Variants in DDX6 observed in about 807,000 individuals in gnomAD.
DDX6 encodes the protein probable ATP-dependent RNA helicase DDX6.
In DDX6, 7 loss-of-function variants were observed where a neutral mutation model predicts 60.6. That is an observed-to-expected ratio of 0.12 (90% CI 0.07 to 0.22). The LOEUF (loss-of-function observed/expected upper bound fraction) is 0.22, where lower values mean the gene tolerates loss of function less well. DDX6 is among the 10% of genes least tolerant of loss of function. DDX6 has a pLI of 1.00. For missense variants in DDX6, 270 were observed against 589.9 expected, an observed-to-expected ratio of 0.46 and a Z score of 5.62; for synonymous variants, 207 against 201.0, an observed-to-expected ratio of 1.03 and a Z score of -0.25.
At position 118,754,757 on chromosome 11, in the gene DDX6, A is replaced by G. The variant is rs1565559540; in HGVS notation, c.1407T>C (p.Tyr469=). Residue 469 remains tyrosine (Y), a synonymous_variant, in exon 13 of 14, where the codon TAT becomes TAC. Coordinates refer to ENST00000534980, the MANE Select transcript of DDX6 (RefSeq NM_004397.6). ...PIPSNIDKSL[Y]VAEYHSEPVE... is the part of the protein sequence containing the mutation. ...CAGGCTCGCTGTGGTATTCTGCCAC[A>G]TACAGGCTCTTATCAATGTTGCTCG... 1 of 1,613,626 alleles carries G rather than the reference A, an allele frequency of 6.2e-7. No individual in the cohort carries two copies. Among genetic ancestry groups the G allele is most frequent in the Non-Finnish European group, 8.5e-7 (1 of 1,179,842 alleles).
chr11:118,783,259 G>A (rs1214612973), intron 2 of DDX6, among the ~76,000 whole-genome samples: 1 of 152,140 alleles, frequency 6.6e-6, no homozygotes, highest in Admixed American at 6.5e-5. Flanking sequence ...AAAATCCACT[G>A]TTGTCCCCAA....
At chr11:118,787,470 A>G (rs1021179221) in intron 1 of DDX6, 2 of 118,828 alleles carry the variant, frequency 1.7e-5, no homozygotes, top group Non-Finnish European at 3.4e-5. Flanking sequence ...CTCCGTCTCA[A>G]AAACAAAAAC....
At chr11:118,772,633 C>A (rs1555162831) in intron 4 of DDX6, among the ~76,000 whole-genome samples, 2 of 152,064 alleles carry the variant, frequency 1.3e-5, no homozygotes, top group Non-Finnish European at 2.9e-5. Flanking sequence ...TGTGTGATGT[C>A]ATTTATATCT....
In DDX6 at chr11:118,772,364, G is replaced by A. The variant is rs75345555; in HGVS notation, c.370-4012C>T. 1.6e-3 allele frequency among the ~76,000 whole-genome samples: 239 copies of A among 152,120 alleles called. 7 individuals are homozygous for A. In the East Asian group the frequency reaches 0.04, roughly 26 times the overall value. On this transcript the variant is annotated intron_variant, in intron 4 of 13. Transcript: ENST00000534980. ...TACAAGCTACAACACAGATGAACTC[G>A]GAAAACATTACGCTAAGTCAAAGAA... is the stretch of plus-strand genomic sequence containing the variant.
Position 118,774,450 on chromosome 11 carries a change from A to C in DDX6, c.369+5182T>G, listed in dbSNP as rs560079346. Among the ~76,000 whole-genome samples, 3 of 149,002 alleles carry C rather than the reference A, an allele frequency of 2.0e-5. No individual in the cohort carries two copies. The South Asian group carries it at 6.3e-4, about 32-fold the overall frequency. On this transcript the variant is annotated intron_variant, in intron 4 of 13. Coordinates refer to ENST00000534980, the MANE Select transcript of DDX6 (RefSeq NM_004397.6). ...TGAGAGCATATAATTTTAAGTGCCT[A>C]ATTCTCTAACAGTCTTTTTTTTTTT... is the stretch of plus-strand genomic sequence containing the variant.
At chr11:118,766,859 G>T (rs1386001804) in intron 5 of DDX6, among the ~76,000 whole-genome samples, 1 of 151,766 alleles carries the variant, frequency 6.6e-6, no homozygotes, top group Non-Finnish European at 1.5e-5. Flanking sequence ...GATTACAGGT[G>T]TGAGTCACTG....
rs565883115 is a variant in DDX6 at position 118,754,898 on chromosome 11, T to G, written c.1277-11A>C. ...GATGACCAAAGCGACCTAAAAAACA[T>G]GCGTTTAAAAATTTTAATGAATAAA... On this transcript the variant is annotated splice_polypyrimidine_tract_variant and intron_variant, in intron 12 of 13. Transcript: ENST00000534980. 5 of 1,492,232 alleles carry G rather than the reference T, an allele frequency of 3.4e-6. No homozygotes were observed. The Admixed American group carries it at 1.0e-4, about 30-fold the overall frequency. The allele number at this position is 1,492,232 out of a possible 1,614,324, so 92.4% of individuals were successfully genotyped here. A position where few individuals can be genotyped will look rare whatever the true frequency, so the allele number is the denominator to read the frequency against.
chr11:118,755,158 A>C (rs977566632), intron 12 of DDX6, among the ~76,000 whole-genome samples: 3 of 152,246 alleles, frequency 2.0e-5, no homozygotes, highest in African/African-American at 7.2e-5. Flanking sequence ...CAGTCACAGA[A>C]CATACCACCT....
At chr11:118,761,873 A>C (rs1203639599) in intron 7 of DDX6, among the ~76,000 whole-genome samples, 6 of 151,792 alleles carry the variant, frequency 4.0e-5, no homozygotes, top group African/African-American at 7.2e-5. Context: ...AAAAAAAAAA[A>C]AAAAACAAAC....
At chr11:118,766,019 C>T (rs544572591) in intron 5 of DDX6, among the ~76,000 whole-genome samples, 117 of 151,584 alleles carry the variant, frequency 7.7e-4, no homozygotes, top group Admixed American at 1.2e-3. Flanking sequence ...TGTGGTGAGC[C>T]GAGATTGTGC....
At chr11:118,759,241 G>A (rs1341424601) in intron 8 of DDX6, 3 of 182,592 alleles carry the variant, frequency 1.6e-5, no homozygotes, top group African/African-American at 2.4e-5. Flanking sequence ...TGTATTTTTA[G>A]TAGAGACGGG....
intron 8 of DDX6, chr11:118,759,112 T>C (rs540566413): frequency 1.3e-5 from 7 of 532,936 alleles, no homozygotes; most frequent in African/African-American, 3.9e-5. Flanking sequence ...CAGGCTGGAG[T>C]GTAGTGGCAC....
intron 8 of DDX6, 42 bp downstream of exon 8, chr11:118,759,880 G>C (rs781993887): frequency 6.3e-7 from 1 of 1,580,836 alleles, no homozygotes; most frequent in Non-Finnish European, 8.6e-7. Flanking sequence ...ATACTCAAAG[G>C]TCACAGGATG....
In DDX6 at chr11:118,749,373, A is replaced by AAAAAAAAAAAAC. The variant is rs1860675373; in HGVS notation, c.*2731_*2732insGTTTTTTTTTTT. 6.7e-6 allele frequency: 1 copy of AAAAAAAAAAAAC among 149,872 alleles called. No homozygotes were observed. Among genetic ancestry groups the AAAAAAAAAAAAC allele is most frequent in the Non-Finnish European group, 1.5e-5 (1 of 67,326 alleles). 9.3% of individuals were successfully genotyped at this position (149,872 alleles called of 1,614,324 possible). On this transcript the variant is annotated 3_prime_UTR_variant, in exon 14 of 14. Coordinates refer to ENST00000534980, the MANE Select transcript of DDX6 (RefSeq NM_004397.6). Reference sequence around the variant, plus strand: ...AAAAAAGAAAGAAAAAAAAAAAAAAAAAAAAAAAGACCAGGCTTTGACCTA... The same window carrying AAAAAAAAAAAAC: ...AAAAAAGAAAGAAAAAAAAAAAAAAAAAAAAAAAAAACAAAAAAAAGACCAGGCTTTGACCTA...
At chr11:118,765,099 C>T (rs961353739) in intron 6 of DDX6, 110 bp downstream of exon 6, 14 of 1,270,962 alleles carry the variant, frequency 1.1e-5, no homozygotes, top group Non-Finnish European at 1.2e-5. Context: ...CCTTTTCTTA[C>T]TGCAGTATTT....
chr11:118,791,220 CCT>C (rs1225082173), upstream of DDX6: 1 of 152,256 alleles, frequency 6.6e-6, no homozygotes, highest in East Asian at 1.9e-4. Flanking sequence ...TCTTTCCCTG[CCT>C]CTCCGCATGG....
chr11:118,779,792 T>A lies in DDX6; in HGVS notation c.265-56A>T. On this transcript the variant is annotated intron_variant, in intron 3 of 13. Coordinates refer to ENST00000534980, the MANE Select transcript of DDX6 (RefSeq NM_004397.6). ...TAAATAACACTGTTGGTAAATTTGG[T>A]GTCCTTTGGTAAATTTATCTGTGTT... The A allele has an allele frequency of 2.3e-6, 3 of 1,319,314 alleles. No individual in the cohort carries two copies. In the Admixed American group the frequency reaches 6.3e-5, roughly 28 times the overall value. 81.7% of individuals were successfully genotyped at this position (1,319,314 alleles called of 1,614,324 possible). A position where few individuals can be genotyped will look rare whatever the true frequency, so the allele number is the denominator to read the frequency against.
chr11:118,768,209 T>TGA lies in DDX6; in HGVS notation c.499+13_499+14insTC. On this transcript the variant is annotated intron_variant, in intron 5 of 13. Coordinates refer to ENST00000534980, the MANE Select transcript of DDX6 (RefSeq NM_004397.6). ...CCCATTTTTAGTTTAAAAACAAACTTTTATTCAACTAACCTTGTATATTGT... is the reference window on the plus strand; with the variant it reads ...CCCATTTTTAGTTTAAAAACAAACTTGATTATTCAACTAACCTTGTATATTGT... 6.2e-7 allele frequency: 1 copy of TGA among 1,609,274 alleles called. No individual in the cohort carries two copies. Among genetic ancestry groups the TGA allele is most frequent in the Non-Finnish European group, 8.5e-7 (1 of 1,177,094 alleles).
In DDX6 at chr11:118,748,543, C is replaced by G. The variant is rs929345890; in HGVS notation, c.*3562G>C. ...TTCCACAATAACAAATTTAAAGATA[C>G]CTAGAACATTGAAAAAAATAGCAAA... On this transcript the variant is annotated 3_prime_UTR_variant, in exon 14 of 14. Coordinates refer to ENST00000534980, the MANE Select transcript of DDX6 (RefSeq NM_004397.6). 3 of 151,866 alleles carry G rather than the reference C, an allele frequency of 2.0e-5. No individual in the cohort carries two copies. Among genetic ancestry groups the G allele is most frequent in the African/African-American group, 7.3e-5 (3 of 41,300 alleles). 9.4% of individuals were successfully genotyped at this position (151,866 alleles called of 1,614,324 possible).
Sources: gnomAD v4.1 joint callset for allele counts (sites outside exome capture counted in the v4.1 genomes callset) on GRCh38, gnomAD v4.1.1 for gene constraint, MANE v1.5 for transcripts, NCBI Gene and HGNC (gene_info 2026-07-23, HGNC 2026-07-21) for gene names.